Variants in MAOB observed in about 807,000 individuals in gnomAD.
The protein encoded by MAOB is monoamine oxidase B, also known as amine oxidase [flavin-containing] B.
In MAOB, 15 loss-of-function variants were observed where a neutral mutation model predicts 41.9. That is an observed-to-expected ratio of 0.36 (90% CI 0.24 to 0.55). The LOEUF (loss-of-function observed/expected upper bound fraction) is 0.55, where lower values mean the gene tolerates loss of function less well. MAOB is among the 20% of genes least tolerant of loss of function. The pLI is 0.86. For missense variants in MAOB, 345 were observed against 398.7 expected (o/e 0.87, Z 1.15); for synonymous variants, 167 against 144.2 (o/e 1.16, Z -1.13).
intron 7 of MAOB, among the ~76,000 whole-genome samples, chrX:43,795,415 A>G (rs892962092): frequency 1.8e-5 from 2 of 111,324 alleles, no homozygotes. Context: ...AGAAGCTCCC[A>G]GAACTCGGTC....
chrX:43,881,532 T>A (rs1196107542), intron 1 of MAOB, among the ~76,000 whole-genome samples: 1 of 112,044 alleles, frequency 8.9e-6, no homozygotes, highest in Non-Finnish European at 1.9e-5. Context: ...CTTCTATTTT[T>A]CGGTGCCCTT....
chrX:43,811,527 G>A (rs2034746573), intron 3 of MAOB, among the ~76,000 whole-genome samples: 1 of 111,697 alleles, frequency 9.0e-6, no homozygotes, highest in Non-Finnish European at 1.9e-5. Context: ...GAAGGACCAA[G>A]CTTTCCTTTT....
chrX:43,868,276 G>A, intron 1 of MAOB, among the ~76,000 whole-genome samples: 1 of 112,123 alleles, frequency 8.9e-6, no homozygotes, highest in Non-Finnish European at 1.9e-5. Context: ...TAAAGCAAGT[G>A]CACACCCCAA....
At chrX:43,848,382 C>T (rs1177241770) in intron 1 of MAOB, among the ~76,000 whole-genome samples, 4 of 111,608 alleles carry the variant, frequency 3.6e-5, no homozygotes, top group African/African-American at 9.8e-5. Context: ...GGACTCTTTC[C>T]CAGTTTAAAG....
At chrX:43,851,361 T>C (rs2035251096) in intron 1 of MAOB, among the ~76,000 whole-genome samples, 1 of 111,362 alleles carries the variant, frequency 9.0e-6, no homozygotes, top group African/African-American at 3.3e-5. Context: ...TATGGGTACA[T>C]AGTAGGTGGA....
At chrX:43,814,609 C>T (rs2034786158) in intron 3 of MAOB, among the ~76,000 whole-genome samples, 1 of 111,572 alleles carries the variant, frequency 9.0e-6, no homozygotes, top group South Asian at 3.7e-4. Context: ...CTTCCCTCTC[C>T]AGCTATATCA....
intron 3 of MAOB, among the ~76,000 whole-genome samples, chrX:43,815,124 C>T (rs1569220384): frequency 9.0e-6 from 1 of 111,395 alleles, no homozygotes; most frequent in Non-Finnish European, 1.9e-5. Context: ...CAGCCATTTC[C>T]AACTGTATCA....
In MAOB at chrX:43,791,756, CA is replaced by C. The variant is rs573394731; in HGVS notation, c.928+1662del. Among the ~76,000 whole-genome samples, 560 of 96,374 alleles carry C rather than the reference CA, an allele frequency of 5.8e-3. 3 individuals are homozygous for C. Among genetic ancestry groups the C allele is most frequent in the African/African-American group, 0.018 (473 of 26,694 alleles). The allele number at this position is 96,374 out of a possible 115,157, so 83.7% of individuals were successfully genotyped here. On this transcript the variant is annotated intron_variant, in intron 8 of 14. Transcript: ENST00000378069. ...TGGGCGACAGAGCGAGACTCCGTCTCAAAAAAAAAAAAATTAATTAAATAGA... is the reference window on the plus strand; with the variant it reads ...TGGGCGACAGAGCGAGACTCCGTCTCAAAAAAAAAAAATTAATTAAATAGA...
rs2035450950 is a variant in MAOB, at chrX:43,877,982, C to G, written c.46+4272G>C. Among the ~76,000 whole-genome samples the G allele has an allele frequency of 2.7e-5, 3 of 112,258 alleles. No homozygotes were observed. The Admixed American group carries it at 2.8e-4, about 11-fold the overall frequency. On this transcript the variant is annotated intron_variant, in intron 1 of 14. Coordinates refer to ENST00000378069, the MANE Select transcript of MAOB (RefSeq NM_000898.5). ...TTTTGCTCCCTTAGATTGAAAAACT[C>G]TACAGGACAAACAAGGATATATTTC... is the stretch of plus-strand genomic sequence containing the variant.
chrX:43,808,633 C>T (rs1341131793), intron 3 of MAOB, among the ~76,000 whole-genome samples: 1 of 89,146 alleles, frequency 1.1e-5, no homozygotes, highest in Non-Finnish European at 2.2e-5. Flanking sequence ...GCATCCTGCA[C>T]ATCTATATCT....
chrX:43,850,952 T>C (rs1244288846), intron 1 of MAOB, among the ~76,000 whole-genome samples: 1 of 112,510 alleles, frequency 8.9e-6, no homozygotes, highest in Non-Finnish European at 1.9e-5. Flanking sequence ...ACAGTTTATA[T>C]GCAAATGATT....
intron 8 of MAOB, among the ~76,000 whole-genome samples, chrX:43,784,997 T>C (rs939670447): frequency 8.1e-5 from 9 of 111,348 alleles, no homozygotes; most frequent in African/African-American, 2.9e-4. Context: ...AAAATACAAA[T>C]ATTAGATGGG....
intron 12 of MAOB, among the ~76,000 whole-genome samples, chrX:43,769,885 C>T (rs1166066583): frequency 9.0e-6 from 1 of 111,720 alleles, no homozygotes; most frequent in Non-Finnish European, 1.9e-5. Context: ...AAGACCCTTT[C>T]AATCAGTAAC....
chrX:43,882,364 T>TCCTGCCTGCCAGCCAGCCCG lies in MAOB; in HGVS notation c.-85_-66dup. 8.7e-7 allele frequency: 1 copy of TCCTGCCTGCCAGCCAGCCCG among 1,152,075 alleles called. No homozygotes were observed. Among genetic ancestry groups the TCCTGCCTGCCAGCCAGCCCG allele is most frequent in the South Asian group, 2.0e-5 (1 of 50,051 alleles). The allele number at this position is 1,152,075 out of a possible 1,213,427, so 94.9% of individuals were successfully genotyped here. A position where few individuals can be genotyped will look rare whatever the true frequency, so the allele number is the denominator to read the frequency against. On this transcript the variant is annotated 5_prime_UTR_variant, in exon 1 of 15. Coordinates refer to ENST00000378069, the MANE Select transcript of MAOB (RefSeq NM_000898.5). ...TCCGTTTTCTGGGCCTCGATCCCAG[T>TCCTGCCTGCCAGCCAGCCCG]CCTGCCTGCCAGCCAGCCCGCCCGC...
At chrX:43,841,177 A>G (rs1247874295) in intron 2 of MAOB, among the ~76,000 whole-genome samples, 1 of 111,790 alleles carries the variant, frequency 8.9e-6, no homozygotes, top group Non-Finnish European at 1.9e-5. Context: ...TAGCTTCTAT[A>G]TCTATTATTC....
intron 3 of MAOB, among the ~76,000 whole-genome samples, chrX:43,813,992 T>C (rs931978263): frequency 9.1e-6 from 1 of 109,736 alleles, no homozygotes; most frequent in Non-Finnish European, 1.9e-5. Context: ...TAAAGTGATG[T>C]CAAGGAAGGC....
chrX:43,856,304 G>A lies in MAOB; in HGVS notation c.47-12540C>T, dbSNP rs765227627. Among the ~76,000 whole-genome samples the A allele has an allele frequency of 2.7e-5, 3 of 111,885 alleles. No individual in the cohort carries two copies. In the South Asian group the frequency reaches 1.1e-3, roughly 42 times the overall value. Reference sequence around the variant, plus strand: ...TTGCCACGTTGGCCAGGCTGATCTCGAACTCCTGACCTCTGGCGATCCGCC... The same window carrying A: ...TTGCCACGTTGGCCAGGCTGATCTCAAACTCCTGACCTCTGGCGATCCGCC... On this transcript the variant is annotated intron_variant, in intron 1 of 14. Coordinates refer to ENST00000378069, the MANE Select transcript of MAOB (RefSeq NM_000898.5).
In MAOB at chrX:43,882,341, C is replaced by T; in HGVS notation, c.-42G>A. The T allele has an allele frequency of 3.4e-6, 4 of 1,188,585 alleles. No individual in the cohort carries two copies. The highest frequency in any genetic ancestry group is 4.5e-6 in the Non-Finnish European group (4 of 884,893). ...CAGGCCTCCCTGGTGCCCGCTGCTC[C>T]GTTTTCTGGGCCTCGATCCCAGTCC... On this transcript the variant is annotated 5_prime_UTR_variant, in exon 1 of 15. Coordinates refer to ENST00000378069, the MANE Select transcript of MAOB (RefSeq NM_000898.5).
chrX:43,768,731 C>T lies in MAOB; in HGVS notation c.1348-15G>A. The T allele has an allele frequency of 8.4e-7, 1 of 1,185,323 alleles. No individual in the cohort carries two copies. The highest frequency in any genetic ancestry group is 1.7e-5 in the African/African-American group (1 of 57,324). Reference sequence around the variant, plus strand: ...GCATGCAGGATCTGAAATGAAAGAACACACTGGCAAATAGCAAAAGTGACA... The same window carrying T: ...GCATGCAGGATCTGAAATGAAAGAATACACTGGCAAATAGCAAAAGTGACA... On this transcript the variant is annotated splice_polypyrimidine_tract_variant and intron_variant, in intron 13 of 14. Coordinates refer to ENST00000378069, the MANE Select transcript of MAOB (RefSeq NM_000898.5).
Sources: allele counts gnomAD v4.1 joint callset (sites outside exome capture counted in the v4.1 genomes callset), GRCh38; gene constraint gnomAD v4.1.1; transcripts MANE v1.5; gene names NCBI Gene and HGNC (gene_info 2026-07-23, HGNC 2026-07-21).